The following TGM1 variants were observed in gnomAD, a reference collection of about 807,000 sequenced individuals.
TGM1 encodes transglutaminase 1.
In TGM1, 63 loss-of-function variants were observed where a neutral mutation model predicts 88.7. That is an observed-to-expected ratio of 0.71 (90% CI 0.58 to 0.88). The LOEUF (loss-of-function observed/expected upper bound fraction) is 0.88. TGM1 is among the 40% of genes least tolerant of loss of function. The pLI is 0.00. For missense variants in TGM1, 996 were observed against 1,118.0 expected, an observed-to-expected ratio of 0.89 and a Z score of 1.56; for synonymous variants, 415 against 431.1, an observed-to-expected ratio of 0.96 and a Z score of 0.46.
At chr14:24,260,367 G>A (rs928447596) in intron 4 of TGM1, 83 bp downstream of exon 4, 1 of 1,584,978 alleles carries the variant, frequency 6.3e-7, no homozygotes, top group Non-Finnish European at 8.6e-7. Flanking sequence ...AGGCACCTAG[G>A]CACCCCGCCA....
chr14:24,262,484 C>A (rs1306331102), intron 1 of TGM1, 130 bp from the exon 2 acceptor site: 3 of 998,332 alleles, frequency 3.0e-6, no homozygotes, highest in East Asian at 2.6e-5. Flanking sequence ...CCCAGAGATT[C>A]TCCAGACACA....
chr14:24,262,429 C>T, intron 1 of TGM1, 75 bp from the exon 2 acceptor site: 2 of 1,488,400 alleles, frequency 1.3e-6, no homozygotes, highest in South Asian at 2.4e-5. Context: ...TCCATCCAGA[C>T]AGCTGATTCA....
chr14:24,259,380 C>A lies in TGM1; in HGVS notation c.985-131G>T. 2.2e-6 allele frequency: 2 copies of A among 893,146 alleles called. No homozygotes were observed. Among genetic ancestry groups the A allele is most frequent in the Non-Finnish European group, 3.6e-6 (2 of 560,948 alleles). 55.3% of individuals were successfully genotyped at this position (893,146 alleles called of 1,614,324 possible). On this transcript the variant is annotated intron_variant, in intron 6 of 14. Coordinates refer to ENST00000206765, the MANE Select transcript of TGM1 (RefSeq NM_000359.3). This position sits in a 1 kb window ranked among gnomAD's most constrained non-coding sequence, Gnocchi z 5.7. ...CCCTAAATGCCTCAGGATCCAGACACCAGCCTGAGCTCCACCCAGCCCTTC... is the reference window on the plus strand; with the variant it reads ...CCCTAAATGCCTCAGGATCCAGACAACAGCCTGAGCTCCACCCAGCCCTTC...
intron 14 of TGM1, among the ~76,000 whole-genome samples, chr14:24,252,891 G>A (rs893406425): frequency 6.6e-5 from 10 of 152,320 alleles, no homozygotes; most frequent in African/African-American, 2.2e-4. Context: ...CTTTCCCTCC[G>A]TGCTTTTCCT....
rs1302493139 is a variant in TGM1, at chr14:24,254,676, G to A, written c.2076C>T (p.Asp692=). The A allele has an allele frequency of 1.2e-6, 2 of 1,613,910 alleles. No homozygotes were observed. The highest frequency in any genetic ancestry group is 1.1e-5 in the South Asian group (1 of 91,090). ...AAACTGCATTCACCGTGAGGGAGAG[G>A]TCTGGGGTGCGCAGACGGAAGGTGT... ...KQHTFRLRTP[D]LSLTLLGAAV... is the part of the protein sequence containing the mutation. Residue 692 remains aspartate (D), a synonymous_variant, in exon 13 of 15, where the codon GAC becomes GAT. Transcript: ENST00000206765.
intron 8 of TGM1, 68 bp from the exon 9 acceptor site, chr14:24,258,456 C>T: frequency 1.9e-6 from 3 of 1,607,666 alleles, no homozygotes; most frequent in Admixed American, 3.3e-5. Flanking sequence ...TCCCCAGCCT[C>T]CCCAGCCCTG....
rs1378509689 is a variant in TGM1 at position 24,254,827 on chromosome 14, G to A, written c.1928-3C>T. ...CACTGGCATGGTCACACGGTCCGCT[G>A]TGGAGAAGAGGCATGGCGTCACTGA... On this transcript the variant is annotated splice_region_variant and splice_polypyrimidine_tract_variant and intron_variant, in intron 12 of 14. Transcript: ENST00000206765. The A allele has an allele frequency of 6.2e-7, 1 of 1,613,726 alleles. No homozygotes were observed. The highest frequency in any genetic ancestry group is 8.5e-7 in the Non-Finnish European group (1 of 1,180,030).
Position 24,262,031 on chromosome 14 carries a change from C to T in TGM1, c.319+3G>A, listed in dbSNP as rs2040815729. On this transcript the variant is annotated splice_donor_region_variant and intron_variant, in intron 2 of 14. Transcript: ENST00000206765. ...TCAGCTGAGGAGGACAGACCGGCCT[C>T]ACCTCGGATGGTGCCATCTCCAGCT... The T allele has an allele frequency of 9.3e-6, 15 of 1,613,430 alleles. No individual in the cohort carries two copies. The highest frequency in any genetic ancestry group is 1.2e-5 in the Non-Finnish European group (14 of 1,180,042).
Position 24,259,389 on chromosome 14 carries a change from G to T in TGM1, c.985-140C>A. ...CCTCAGGATCCAGACACCAGCCTGA[G>T]CTCCACCCAGCCCTTCCCTCAGCCA... On this transcript the variant is annotated intron_variant, in intron 6 of 14. Coordinates refer to ENST00000206765, the MANE Select transcript of TGM1 (RefSeq NM_000359.3). This position sits in a 1 kb window ranked among gnomAD's most constrained non-coding sequence, Gnocchi z 5.7. The T allele has an allele frequency of 1.2e-6, 1 of 851,788 alleles. No homozygotes were observed. Among genetic ancestry groups the T allele is most frequent in the Non-Finnish European group, 1.9e-6 (1 of 524,676 alleles). 52.8% of individuals were successfully genotyped at this position (851,788 alleles called of 1,614,324 possible).
chr14:24,260,783 A>G (rs1594572971), intron 3 of TGM1, 85 bp from the exon 4 acceptor site: 7 of 1,576,440 alleles, frequency 4.4e-6, no homozygotes, highest in Non-Finnish European at 6.1e-6. Context: ...CCCCACCCAC[A>G]ATGTGTATGA....
chr14:24,249,481 G>A lies in TGM1; in HGVS notation c.2286C>T (p.Gly762=), dbSNP rs1158186756. The change falls in exon 15 of 15, where the codon GGC becomes GGT. Residue 762 remains glycine, a synonymous_variant. Transcript: ENST00000206765. ...CCAAGCTGGCAATGAGCTGGCGGGG[G>A]CCTGGTCGCACAGGCACAAACGACT... The part of the protein sequence containing the change: ...LRQSFVPVRP[G]PRQLIASLDS... 2.5e-6 allele frequency: 4 copies of A among 1,613,950 alleles called. No individual in the cohort carries two copies. In the Admixed American group the frequency reaches 5.0e-5, roughly 20 times the overall value.
In TGM1 at chr14:24,261,742, G is replaced by A. The variant is rs961140260; in HGVS notation, c.461C>T (p.Ser154Phe). 2 of 1,614,126 alleles carry A rather than the reference G, an allele frequency of 1.2e-6. No individual in the cohort carries two copies. Among genetic ancestry groups the A allele is most frequent in the Non-Finnish European group, 1.7e-6 (2 of 1,180,030 alleles). The change falls in exon 3 of 15, where the codon TCC (serine) becomes TTC (phenylalanine). Residue 154 changes from serine to phenylalanine, a missense_variant. Coordinates refer to ENST00000206765, the MANE Select transcript of TGM1 (RefSeq NM_000359.3). ...GQPFHMLLLL[S>F]RTYESSDRIT... The stretch of plus-strand genomic sequence containing the variant: ...GCGATCAGAGGATTCATAGGTCCGG[G>A]ACAGGAGGAGGAGCATATGGAAAGG...
intron 7 of TGM1, 43 bp from the exon 8 acceptor site, chr14:24,258,716 G>A: frequency 6.2e-7 from 1 of 1,610,004 alleles, no homozygotes; most frequent in Non-Finnish European, 8.5e-7. Context: ...TGGGTTGGGG[G>A]CAAGTGAGGC....
chr14:24,260,519 C>G lies in TGM1; in HGVS notation c.688G>C (p.Ala230Pro). Residue 230 changes from alanine to proline, a missense_variant, in exon 4 of 15, where the codon GCT becomes CCT. Coordinates refer to ENST00000206765, the MANE Select transcript of TGM1 (RefSeq NM_000359.3). ...FQFTVRTQSD[A>P]GEFQLPFDPR... The stretch of plus-strand genomic sequence containing the variant: ...TCAAAGGGCAACTGGAACTCCCCAG[C>G]GTCTGATTGTGTGCGGACTGTGAAC... The G allele has an allele frequency of 1.2e-6, 2 of 1,614,224 alleles. No homozygotes were observed. Among genetic ancestry groups the G allele is most frequent in the South Asian group, 1.1e-5 (1 of 91,090 alleles).
chr14:24,261,891 GA>G lies in TGM1; in HGVS notation c.320-9del. ...TCACTACTAGCATGCCCTCTGCAAGGACACAGCTCCGTGTCAGTGAAGCCCC... is the reference window on the plus strand; with the variant it reads ...TCACTACTAGCATGCCCTCTGCAAGGCACAGCTCCGTGTCAGTGAAGCCCC... On this transcript the variant is annotated splice_polypyrimidine_tract_variant and intron_variant, in intron 2 of 14. Coordinates refer to ENST00000206765, the MANE Select transcript of TGM1 (RefSeq NM_000359.3). 1.1e-5 allele frequency: 17 copies of G among 1,612,872 alleles called. No homozygotes were observed. Among genetic ancestry groups the G allele is most frequent in the Non-Finnish European group, 1.4e-5 (17 of 1,180,030 alleles).
At chr14:24,261,119 G>A (rs552608627) in intron 3 of TGM1, among the ~76,000 whole-genome samples, 38 of 152,312 alleles carry the variant, frequency 2.5e-4, no homozygotes, top group African/African-American at 8.9e-4. Flanking sequence ...CCCTGGTGGA[G>A]GTGGTAGGGG....
rs1211180539 is a variant in TGM1 at position 24,259,531 on chromosome 14, G to C, written c.984+173C>G. 2.0e-5 allele frequency among the ~76,000 whole-genome samples: 3 copies of C among 152,178 alleles called. No individual in the cohort carries two copies. The highest frequency in any genetic ancestry group is 7.2e-5 in the African/African-American group (3 of 41,430). On this transcript the variant is annotated intron_variant, in intron 6 of 14. Transcript: ENST00000206765. This position sits in a 1 kb window ranked among gnomAD's most constrained non-coding sequence, Gnocchi z 5.7. ...GACAGGAGCCAGGAAAGGCGGGGTG[G>C]GGGGCAGGCAAGGGAGAGAAGAGGA...
Position 24,255,529 on chromosome 14 carries a change from G to C in TGM1, c.1492-12C>G. 1.2e-6 allele frequency: 2 copies of C among 1,611,914 alleles called. No individual in the cohort carries two copies. The highest frequency in any genetic ancestry group is 1.7e-6 in the Non-Finnish European group (2 of 1,180,014). On this transcript the variant is annotated splice_polypyrimidine_tract_variant and intron_variant, in intron 10 of 14. Transcript: ENST00000206765. The surrounding 1 kb of genome is among the most constrained non-coding windows in gnomAD (Gnocchi z 4.0). ...TTGTCACTATTCACCTGTGGGGGGTGGGGGTGAGCAGGAATGAGTGAGCCA... is the reference window on the plus strand; with the variant it reads ...TTGTCACTATTCACCTGTGGGGGGTCGGGGTGAGCAGGAATGAGTGAGCCA...
intron 14 of TGM1, among the ~76,000 whole-genome samples, chr14:24,252,121 C>T (rs41293836): frequency 0.011 from 1,687 of 152,240 alleles, 39 homozygotes; most frequent in East Asian, 0.084. Context: ...CTCTGATGTG[C>T]GAATGAGAGG....
Sources: gnomAD v4.1 joint callset for allele counts (sites outside exome capture counted in the v4.1 genomes callset) on GRCh38, gnomAD v4.1.1 for gene constraint, Gnocchi (gnomAD v3.1) non-coding constraint, MANE v1.5 for transcripts, NCBI Gene and HGNC (gene_info 2026-07-23, HGNC 2026-07-21) for gene names.